The following TMEM74 variants were observed in gnomAD, a reference collection of about 807,000 sequenced individuals.
TMEM74 encodes transmembrane protein 74.
In TMEM74, 13 loss-of-function variants were observed where a neutral mutation model predicts 18.1. That is an observed-to-expected ratio of 0.72 (90% CI 0.47 to 1.14). TMEM74 has a LOEUF of 1.14. Among genes scored for constraint, TMEM74 ranks in the 50% most tolerant of loss-of-function variants. TMEM74 has a pLI of 0.00. For synonymous variants in TMEM74, 159 were observed against 146.6 expected, an observed-to-expected ratio of 1.08 and a Z score of -0.61; for missense variants, 372 against 375.9, an observed-to-expected ratio of 0.99 and a Z score of 0.09.
intron 1 of TMEM74, among the ~76,000 whole-genome samples, chr8:108,742,301 CA>C (rs1208849920): frequency 2.0e-5 from 3 of 151,998 alleles, no homozygotes; most frequent in Non-Finnish European, 4.4e-5. Context: ...AAAGTAAAAA[CA>C]AAAAACAATT....
intron 2 of TMEM74, among the ~76,000 whole-genome samples, chr8:108,651,007 C>T (rs114172416): frequency 1.3e-5 from 2 of 152,108 alleles, no homozygotes; most frequent in East Asian, 1.9e-4. Flanking sequence ...CACCACACCT[C>T]GCTCACTGAG....
At chr8:108,650,667 G>A (rs1024602839) in intron 2 of TMEM74, among the ~76,000 whole-genome samples, 19 of 151,886 alleles carry the variant, frequency 1.3e-4, no homozygotes, top group Non-Finnish European at 2.5e-4. Flanking sequence ...ACTTTGGATT[G>A]TTGCTTGAAT....
intron 2 of TMEM74, among the ~76,000 whole-genome samples, chr8:108,624,326 T>C (rs545093958): frequency 6.6e-6 from 1 of 152,212 alleles, no homozygotes; most frequent in African/African-American, 2.4e-5. Context: ...AGAATTTGGG[T>C]GATCCTTGTG....
intron 1 of TMEM74, among the ~76,000 whole-genome samples, chr8:108,736,825 G>A (rs1030096694): frequency 1.4e-4 from 21 of 151,960 alleles, no homozygotes; most frequent in Non-Finnish European, 2.5e-4. Context: ...AGAATCTTGG[G>A]TTACTTTTCT....
At chr8:108,698,155 A>G (rs1586265149) in intron 1 of TMEM74, among the ~76,000 whole-genome samples, 1 of 152,186 alleles carries the variant, frequency 6.6e-6, no homozygotes, top group Admixed American at 6.5e-5. Flanking sequence ...AATCATTTCC[A>G]TTTCATTTTA....
chr8:108,756,173 T>C (rs1011205963), intron 1 of TMEM74, among the ~76,000 whole-genome samples: 5 of 152,026 alleles, frequency 3.3e-5, no homozygotes, highest in Admixed American at 1.3e-4. Flanking sequence ...TCAAAGTAAA[T>C]GAAAGGCAGC....
intron 1 of TMEM74, among the ~76,000 whole-genome samples, chr8:108,731,606 C>G (rs898463671): frequency 2.0e-5 from 3 of 152,174 alleles, no homozygotes; most frequent in African/African-American, 7.2e-5. Context: ...GACATGGCAT[C>G]TGTCAGACTC....
In TMEM74 at chr8:108,781,716, T is replaced by C. The variant is rs77335585; in HGVS notation, c.*2465A>G. Among the ~76,000 whole-genome samples, 2,993 of 152,298 alleles carry C rather than the reference T, an allele frequency of 0.02. 108 individuals carry two copies. Among genetic ancestry groups the C allele is most frequent in the African/African-American group, 0.068 (2,815 of 41,538 alleles). ...TTCGATTTTAAATTTTAAAGGAAAT[T>C]ATAGCATTCTAGGGAAAAGAAAGGA... is the stretch of plus-strand genomic sequence containing the variant. On this transcript the variant is annotated 3_prime_UTR_variant, in exon 2 of 2. Coordinates refer to ENST00000297459, the MANE Select transcript of TMEM74 (RefSeq NM_153015.3).
At chr8:108,777,712 C>T (rs1364627534), downstream of TMEM74, among the ~76,000 whole-genome samples, 5 of 151,922 alleles carry the variant, frequency 3.3e-5, no homozygotes, top group African/African-American at 1.2e-4. Context: ...CTTTTCCTAC[C>T]GCTTATTAGT....
intron 2 of TMEM74, among the ~76,000 whole-genome samples, chr8:108,622,457 C>T (rs1812453534): frequency 6.6e-6 from 1 of 152,092 alleles, no homozygotes; most frequent in Non-Finnish European, 1.5e-5. Context: ...AATTAAAACA[C>T]TGCAACAAAC....
At chr8:108,631,351 A>G (rs1032935754) in intron 2 of TMEM74, among the ~76,000 whole-genome samples, 1 of 151,944 alleles carries the variant, frequency 6.6e-6, no homozygotes, top group African/African-American at 2.4e-5. Context: ...TTTGAATGTG[A>G]TTTGATTCTG....
intron 1 of TMEM74, among the ~76,000 whole-genome samples, chr8:108,661,025 TA>T (rs1336124211): frequency 6.6e-6 from 1 of 152,164 alleles, no homozygotes; most frequent in Non-Finnish European, 1.5e-5. Flanking sequence ...AGAGATTGAC[TA>T]GGATGATACT....
intron 1 of TMEM74, among the ~76,000 whole-genome samples, chr8:108,676,792 G>A (rs1052378127): frequency 3.9e-5 from 6 of 152,128 alleles, no homozygotes; most frequent in Non-Finnish European, 8.8e-5. Flanking sequence ...CGCATAGTAG[G>A]AGTCCAGTGA....
intron 2 of TMEM74, among the ~76,000 whole-genome samples, chr8:108,612,966 C>T (rs1418993069): frequency 1.3e-5 from 2 of 152,116 alleles, no homozygotes; most frequent in African/African-American, 4.8e-5. Flanking sequence ...CAAAATCTTG[C>T]CACTTCTGCC....
At chr8:108,672,133 G>A (rs1047403463) in intron 1 of TMEM74, among the ~76,000 whole-genome samples, 5 of 152,170 alleles carry the variant, frequency 3.3e-5, no homozygotes, top group Admixed American at 6.5e-5. Context: ...GGCAGTTGCC[G>A]TCCAACTGAG....
chr8:108,780,665 C>T lies in TMEM74; in HGVS notation c.*3516G>A, dbSNP rs1357297947. Among the ~76,000 whole-genome samples the T allele has an allele frequency of 6.6e-6, 1 of 152,084 alleles. No homozygotes were observed. Among genetic ancestry groups the T allele is most frequent in the Non-Finnish European group, 1.5e-5 (1 of 68,006 alleles). ...CTCATATTTTAAGCAGACAGCAAAG[C>T]ATGTGATGATATCAAGGCAAGTAAC... is the stretch of plus-strand genomic sequence containing the variant. On this transcript the variant is annotated 3_prime_UTR_variant, in exon 2 of 2. Coordinates refer to ENST00000297459, the MANE Select transcript of TMEM74 (RefSeq NM_153015.3).
At chr8:108,610,303 G>C (rs755205405) in intron 2 of TMEM74, among the ~76,000 whole-genome samples, 23 of 152,138 alleles carry the variant, frequency 1.5e-4, no homozygotes, top group Non-Finnish European at 3.1e-4. Flanking sequence ...GTGCCAGTTT[G>C]TGTAAATGCT....
chr8:108,778,025 C>T (rs770700032), downstream of TMEM74, among the ~76,000 whole-genome samples: 2 of 151,934 alleles, frequency 1.3e-5, no homozygotes, highest in African/African-American at 4.8e-5. Context: ...CTAAATTTGC[C>T]TTCTCTGGAG....
downstream of TMEM74, among the ~76,000 whole-genome samples, chr8:108,778,311 G>A (rs1264813598): frequency 6.6e-6 from 1 of 152,092 alleles, no homozygotes; most frequent in Non-Finnish European, 1.5e-5. Context: ...GTCTCTTTGA[G>A]ACCTTTCAGA....
Sources: gnomAD v4.1 joint callset for allele counts (sites outside exome capture counted in the v4.1 genomes callset) on GRCh38, gnomAD v4.1.1 for gene constraint, MANE v1.5 for transcripts, NCBI Gene and HGNC (gene_info 2026-07-23, HGNC 2026-07-21) for gene names.